Variants in ITGB5 observed in about 807,000 individuals in gnomAD.
The protein encoded by ITGB5 is integrin subunit beta 5.
Under a neutral mutation model 84.8 loss-of-function variants are expected in ITGB5, and 38 were observed. The observed-to-expected ratio is 0.45, with a 90% confidence interval of 0.35 to 0.59. The LOEUF is 0.59. ITGB5 is among the 20% of genes least tolerant of loss of function. The pLI is 0.01. For missense variants in ITGB5, 905 were observed against 1,034.5 expected, an observed-to-expected ratio of 0.87 and a Z score of 1.72; for synonymous variants, 393 against 414.4, an observed-to-expected ratio of 0.95 and a Z score of 0.63.
intron 6 of ITGB5, among the ~76,000 whole-genome samples, chr3:124,820,778 A>G (rs2064688964): frequency 6.6e-6 from 1 of 152,172 alleles, no homozygotes; most frequent in Non-Finnish European, 1.5e-5. Flanking sequence ...AATTTTGCAC[A>G]AATTCTTTCA....
chr3:124,796,306 G>GA, intron 10 of ITGB5, 82 bp downstream of exon 10: 1 of 1,271,144 alleles, frequency 7.9e-7, no homozygotes, highest in South Asian at 1.4e-5. Flanking sequence ...TACCACCACT[G>GA]AGTAAAAGGC....
At position 124,848,363 on chromosome 3, in the gene ITGB5, T is replaced by C. The variant is rs142682013; in HGVS notation, c.557A>G (p.Asp186Gly). ...TGCCGTGTAGGAGAAAGGAGAGATG[T>C]CCTTATCAACAAAAGACCCAAATCC... ...RLGFGSFVDKDISPFSYTAPR... is the reference protein window; with the variant it reads ...RLGFGSFVDKGISPFSYTAPR... The change falls in exon 4 of 15, where the codon GAC (aspartate) becomes GGC (glycine). Residue 186 changes from aspartate (D) to glycine (G), a missense_variant. Asp to Gly is a moderately conservative substitution (Grantham distance 94, BLOSUM62 -1). Coordinates refer to ENST00000296181, the MANE Select transcript of ITGB5 (RefSeq NM_002213.5). The C allele has an allele frequency of 9.9e-6, 16 of 1,614,146 alleles. No individual in the cohort carries two copies. In the African/African-American group the frequency reaches 2.1e-4, roughly 22 times the overall value.
At chr3:124,799,417 G>A (rs1239004436) in intron 9 of ITGB5, among the ~76,000 whole-genome samples, 3 of 152,086 alleles carry the variant, frequency 2.0e-5, no homozygotes, top group African/African-American at 4.8e-5. Flanking sequence ...AAAATTAGCC[G>A]GGCATTTTGG....
At chr3:124,770,681 G>A (rs1252016546) in intron 11 of ITGB5, among the ~76,000 whole-genome samples, 2 of 152,144 alleles carry the variant, frequency 1.3e-5, no homozygotes, top group East Asian at 3.9e-4. Context: ...CTTCCTAAGA[G>A]GTTCTAACAT....
At chr3:124,886,745 G>A (rs1406889392) in intron 1 of ITGB5, among the ~76,000 whole-genome samples, 186 bp downstream of exon 1, 1 of 151,748 alleles carries the variant, frequency 6.6e-6, no homozygotes, top group Non-Finnish European at 1.5e-5. Context: ...ACTCACGACA[G>A]CCCGGCGGGG....
chr3:124,885,252 A>T (rs1934752568), intron 1 of ITGB5, among the ~76,000 whole-genome samples: 1 of 152,186 alleles, frequency 6.6e-6, no homozygotes, highest in South Asian at 2.1e-4. Flanking sequence ...CCTGGGCTAC[A>T]AGACTGAAAC....
intron 10 of ITGB5, chr3:124,792,986 G>A (rs1394363108): frequency 6.6e-6 from 1 of 152,146 alleles, no homozygotes; most frequent in East Asian, 1.9e-4. Context: ...TGTCTCCCAG[G>A]CTCTGTACTC....
intron 1 of ITGB5, among the ~76,000 whole-genome samples, chr3:124,896,212 C>T (rs192693729): frequency 2.6e-5 from 4 of 152,148 alleles, no homozygotes; most frequent in Non-Finnish European, 5.9e-5. Flanking sequence ...AGCTTCCTAG[C>T]GAATCCACCC....
At position 124,886,918 on chromosome 3, in the gene ITGB5, C is replaced by G; in HGVS notation, c.70+13G>C. On this transcript the variant is annotated intron_variant, in intron 1 of 14. Coordinates refer to ENST00000296181, the MANE Select transcript of ITGB5 (RefSeq NM_002213.5). Reference sequence around the variant, plus strand: ...ACAAAGTTTCTCTGGGCGCCGTGGGCGGCGCGGCTTACCTGCGAGCCGGGG... The same window carrying G: ...ACAAAGTTTCTCTGGGCGCCGTGGGGGGCGCGGCTTACCTGCGAGCCGGGG... 8.3e-6 allele frequency: 10 copies of G among 1,210,388 alleles called. No individual in the cohort carries two copies. The highest frequency in any genetic ancestry group is 1.0e-5 in the Non-Finnish European group (10 of 973,716). The allele number at this position is 1,210,388 out of a possible 1,614,324, so 75.0% of individuals were successfully genotyped here. A position where few individuals can be genotyped will look rare whatever the true frequency, so the allele number is the denominator to read the frequency against.
intron 1 of ITGB5, among the ~76,000 whole-genome samples, chr3:124,896,161 T>C (rs1159195113): frequency 6.6e-6 from 1 of 152,224 alleles, no homozygotes; most frequent in African/African-American, 2.4e-5. Context: ...CTAAAAATGA[T>C]CACCTTTCCT....
intron 6 of ITGB5, 94 bp downstream of exon 6, chr3:124,821,219 C>G: frequency 7.3e-7 from 1 of 1,368,192 alleles, no homozygotes; most frequent in East Asian, 2.5e-5. Context: ...TACTGAGGGC[C>G]AGAGGAAGGT....
At chr3:124,855,494 A>G (rs1322474726) in intron 3 of ITGB5, among the ~76,000 whole-genome samples, 1 of 152,170 alleles carries the variant, frequency 6.6e-6, no homozygotes, top group African/African-American at 2.4e-5. Flanking sequence ...CTCTTTGTAA[A>G]TGTTAAAATT....
chr3:124,807,437 A>AAATT (rs965996204), intron 9 of ITGB5, among the ~76,000 whole-genome samples: 1 of 152,042 alleles, frequency 6.6e-6, no homozygotes, highest in African/African-American at 2.4e-5. Flanking sequence ...ATAAATAAAT[A>AAATT]AATTATCATT....
intron 1 of ITGB5, among the ~76,000 whole-genome samples, chr3:124,884,893 T>A (rs1934732617): frequency 6.6e-6 from 1 of 152,126 alleles, no homozygotes; most frequent in Non-Finnish European, 1.5e-5. Flanking sequence ...TGAGCCCATA[T>A]GAGAAAATGG....
intron 9 of ITGB5, among the ~76,000 whole-genome samples, chr3:124,804,914 G>A (rs953573582): frequency 9.2e-5 from 14 of 152,126 alleles, no homozygotes; most frequent in Middle Eastern, 3.4e-3. Flanking sequence ...TGATCCACCC[G>A]TCTCAGCCTC....
At chr3:124,844,863 T>C (rs1228102958) in intron 4 of ITGB5, among the ~76,000 whole-genome samples, 3 of 152,194 alleles carry the variant, frequency 2.0e-5, no homozygotes, top group Non-Finnish European at 4.4e-5. Flanking sequence ...ACTCCAGGCC[T>C]GAGCAATTGG....
intron 4 of ITGB5, among the ~76,000 whole-genome samples, chr3:124,845,926 G>T (rs1409820240): frequency 1.3e-5 from 2 of 152,202 alleles, no homozygotes; most frequent in African/African-American, 4.8e-5. Context: ...CCCAGACTTA[G>T]CTGAAAAGGG....
rs199598182 is a variant in ITGB5, at chr3:124,847,827, GA to G, written c.611+481del. Among the ~76,000 whole-genome samples, 8 of 150,968 alleles carry G rather than the reference GA, an allele frequency of 5.3e-5. No individual in the cohort carries two copies. In the South Asian group the frequency reaches 6.3e-4, roughly 12 times the overall value. On this transcript the variant is annotated intron_variant, in intron 4 of 14. Coordinates refer to ENST00000296181, the MANE Select transcript of ITGB5 (RefSeq NM_002213.5). ...CTTTTCTAGTTCAGGTGTTTATGTT[GA>G]AAAAAAAATTCTTACATTTAAAATA...
At chr3:124,777,630 T>C (rs13064025) in intron 10 of ITGB5, among the ~76,000 whole-genome samples, 25,018 of 152,186 alleles carry the variant, frequency 0.16, 2,257 homozygotes, top group Admixed American at 0.25. Flanking sequence ...CATAGGAGTC[T>C]TCTCCAAGGG....
Sources: allele counts gnomAD v4.1 joint callset (sites outside exome capture counted in the v4.1 genomes callset), GRCh38; gene constraint gnomAD v4.1.1; transcripts MANE v1.5; gene names NCBI Gene and HGNC (gene_info 2026-07-23, HGNC 2026-07-21).